Variants in MGAT4C observed in about 807,000 individuals in gnomAD.
MGAT4C encodes MGAT4 family member C.
In MGAT4C, 19 loss-of-function variants were observed where a neutral mutation model predicts 40.1. That is an observed-to-expected ratio of 0.47 (90% CI 0.33 to 0.70). The LOEUF (loss-of-function observed/expected upper bound fraction) is 0.70, where lower values mean the gene tolerates loss of function less well. MGAT4C is among the 30% of genes least tolerant of loss of function. The pLI, the probability that MGAT4C is intolerant of heterozygous loss-of-function variation, is 0.02. For missense variants in MGAT4C, 491 were observed against 563.2 expected (o/e 0.87, Z 1.30); for synonymous variants, 181 against 187.1 (o/e 0.97, Z 0.27).
chr12:86,547,919 G>C (rs985115717), intron 2 of MGAT4C, among the ~76,000 whole-genome samples: 3 of 152,064 alleles, frequency 2.0e-5, no homozygotes, highest in Admixed American at 1.3e-4. Flanking sequence ...TCAACACTTT[G>C]GTTGGCTTTT....
intron 1 of MGAT4C, among the ~76,000 whole-genome samples, chr12:86,832,577 C>T (rs1952951714): frequency 6.6e-6 from 1 of 151,666 alleles, no homozygotes; most frequent in Non-Finnish European, 1.5e-5. Context: ...AAATAAGCAC[C>T]ATATTATCTC....
intron 1 of MGAT4C, among the ~76,000 whole-genome samples, chr12:86,728,157 T>A (rs1950854017): frequency 6.6e-6 from 1 of 152,208 alleles, no homozygotes; most frequent in African/African-American, 2.4e-5. Context: ...AAAAGTTTTT[T>A]AATATCAGTC....
chr12:86,710,381 A>G, intron 2 of MGAT4C, among the ~76,000 whole-genome samples: 1 of 152,222 alleles, frequency 6.6e-6, no homozygotes, highest in Non-Finnish European at 1.5e-5. Flanking sequence ...GTTGTCTTAC[A>G]TCAGCTTCCA....
chr12:86,533,008 T>A (rs745328027), intron 2 of MGAT4C, among the ~76,000 whole-genome samples: 213 of 152,102 alleles, frequency 1.4e-3, no homozygotes, highest in Non-Finnish European at 1.8e-3. Context: ...TTGAAAAAAA[T>A]TGTTATTTTC....
intron 2 of MGAT4C, among the ~76,000 whole-genome samples, chr12:86,441,696 A>G (rs891865372): frequency 1.3e-5 from 2 of 152,004 alleles, no homozygotes; most frequent in African/African-American, 4.8e-5. Flanking sequence ...TTATGGCTGC[A>G]TAGTATTCCA....
At chr12:86,058,591 T>C (rs1464943294) in intron 1 of MGAT4C, among the ~76,000 whole-genome samples, 10 of 152,134 alleles carry the variant, frequency 6.6e-5, no homozygotes, top group Non-Finnish European at 1.0e-4. Context: ...TAACTTTATT[T>C]TTTTATTGAG....
At chr12:86,284,661 T>C (rs1466881082) in intron 4 of MGAT4C, among the ~76,000 whole-genome samples, 1 of 151,990 alleles carries the variant, frequency 6.6e-6, no homozygotes, top group Non-Finnish European at 1.5e-5. Context: ...GAAAAATCAT[T>C]TGTCTGTATT....
intron 2 of MGAT4C, among the ~76,000 whole-genome samples, chr12:86,452,050 T>C (rs933091344): frequency 4.6e-5 from 7 of 152,086 alleles, no homozygotes; most frequent in Admixed American, 6.6e-5. Flanking sequence ...TATTTTTATT[T>C]AATTACTGGC....
At chr12:86,369,286 G>A (rs1592752937) in intron 3 of MGAT4C, among the ~76,000 whole-genome samples, 1 of 151,682 alleles carries the variant, frequency 6.6e-6, no homozygotes, top group African/African-American at 2.4e-5. Flanking sequence ...CATATAGTGG[G>A]ATCTTTTAAA....
intron 1 of MGAT4C, among the ~76,000 whole-genome samples, chr12:86,132,996 G>A (rs1881458052): frequency 6.6e-6 from 1 of 152,082 alleles, no homozygotes; most frequent in Non-Finnish European, 1.5e-5. Context: ...CAGAAACAAA[G>A]TGACTTGTTC....
At chr12:86,227,647 C>A (rs1460848057) in intron 1 of MGAT4C, among the ~76,000 whole-genome samples, 2 of 151,874 alleles carry the variant, frequency 1.3e-5, no homozygotes, top group African/African-American at 4.8e-5. Flanking sequence ...CTTAACATTA[C>A]ATCATTAGTA....
chr12:86,179,223 C>G (rs993267518), intron 1 of MGAT4C, among the ~76,000 whole-genome samples: 1 of 152,148 alleles, frequency 6.6e-6, no homozygotes, highest in Non-Finnish European at 1.5e-5. Flanking sequence ...TTTCTCATGC[C>G]ATTGCCATGT....
rs573907707 is a variant in MGAT4C, at chr12:86,563,545, C to T, written c.-228-128280G>A. On this transcript the variant is annotated intron_variant, in intron 2 of 7. Coordinates refer to the MGAT4C transcript ENST00000548651. ...CTTGAACCAGTTTACAGGCCCAGAA[C>T]CTTAAATAAAGGGGAGGCTGGGTCC... Among the ~76,000 whole-genome samples the T allele has an allele frequency of 6.6e-5, 10 of 152,230 alleles. No homozygotes were observed. In the South Asian group the frequency reaches 2.1e-3, roughly 32 times the overall value.
chr12:86,768,523 A>C (rs1951560787), intron 1 of MGAT4C, among the ~76,000 whole-genome samples: 1 of 151,884 alleles, frequency 6.6e-6, no homozygotes. Flanking sequence ...ACTACTTTAA[A>C]GTTCATATGG....
intron 2 of MGAT4C, among the ~76,000 whole-genome samples, chr12:86,714,943 C>G (rs1950621086): frequency 6.6e-6 from 1 of 151,930 alleles, no homozygotes; most frequent in African/African-American, 2.4e-5. Flanking sequence ...GGGCTTTAAC[C>G]ATAAATGAAC....
intron 4 of MGAT4C, among the ~76,000 whole-genome samples, chr12:86,280,333 A>G (rs1953185585): frequency 6.6e-6 from 1 of 151,950 alleles, no homozygotes; most frequent in Admixed American, 6.6e-5. Context: ...TGTTGGGTGC[A>G]TATATATTTA....
At chr12:86,178,950 ACCTATTTG>A (rs1263274163) in intron 1 of MGAT4C, among the ~76,000 whole-genome samples, 3 of 152,116 alleles carry the variant, frequency 2.0e-5, no homozygotes, top group Non-Finnish European at 4.4e-5. Flanking sequence ...TTTAGATTCA[ACCTATTTG>A]CCTGCTATTT....
At chr12:86,151,246 G>A (rs1884228826) in intron 1 of MGAT4C, among the ~76,000 whole-genome samples, 1 of 152,042 alleles carries the variant, frequency 6.6e-6, no homozygotes, top group Non-Finnish European at 1.5e-5. Context: ...AGACTGCTGA[G>A]TTAACCTTTT....
chr12:86,026,913 T>C (rs1476960268), intron 2 of MGAT4C, among the ~76,000 whole-genome samples: 3 of 151,976 alleles, frequency 2.0e-5, no homozygotes, highest in Non-Finnish European at 4.4e-5. Context: ...AGTGAAGCAT[T>C]TGTGTATCGT....
Sources: gnomAD v4.1 joint callset for allele counts (sites outside exome capture counted in the v4.1 genomes callset) on GRCh38, gnomAD v4.1.1 for gene constraint, MANE v1.5 for transcripts, NCBI Gene and HGNC (gene_info 2026-07-23, HGNC 2026-07-21) for gene names.